METAP1D: variants seen among roughly 807,000 people sequenced by gnomAD.
METAP1D encodes the protein methionyl aminopeptidase type 1D, mitochondrial, also known as methionine aminopeptidase 1D, mitochondrial.
Under a neutral mutation model 40.5 loss-of-function variants are expected in METAP1D, and 31 were observed. The ratio of observed to expected loss-of-function variants is 0.77; its 90% CI spans 0.58 to 1.03. The LOEUF (loss-of-function observed/expected upper bound fraction) is 1.03. Among genes scored for constraint, METAP1D ranks in the 50% least tolerant of loss-of-function variants. The pLI, the probability that METAP1D is intolerant of heterozygous loss-of-function variation, is 0.00. For synonymous variants in METAP1D, 151 were observed against 146.4 expected, an observed-to-expected ratio of 1.03 and a Z score of -0.22; for missense variants, 411 against 420.7, an observed-to-expected ratio of 0.98 and a Z score of 0.20.
At chr2:172,040,382 G>GT (rs1689489612) in intron 1 of METAP1D, among the ~76,000 whole-genome samples, 1 of 152,200 alleles carries the variant, frequency 6.6e-6, no homozygotes, top group African/African-American at 2.4e-5. Context: ...TAAAAAGTCC[G>GT]TTTTTTTCTG....
At chr2:172,069,623 A>G (rs975634803) in intron 5 of METAP1D, among the ~76,000 whole-genome samples, 1 of 152,226 alleles carries the variant, frequency 6.6e-6, no homozygotes, top group African/African-American at 2.4e-5. Context: ...ATAAAATAAA[A>G]ACTCATACTT....
At chr2:172,025,130 T>C (rs1417824685) in intron 1 of METAP1D, among the ~76,000 whole-genome samples, 1 of 152,210 alleles carries the variant, frequency 6.6e-6, no homozygotes, top group Non-Finnish European at 1.5e-5. Context: ...ATTTAGTTTA[T>C]TAAAATAGAG....
chr2:172,055,488 T>C (rs1472587018), intron 1 of METAP1D, among the ~76,000 whole-genome samples: 7 of 152,250 alleles, frequency 4.6e-5, no homozygotes, highest in Admixed American at 4.6e-4. Flanking sequence ...TTACTACTTA[T>C]TTGTATTGTG....
intron 1 of METAP1D, among the ~76,000 whole-genome samples, chr2:172,010,792 A>C (rs1574088295): frequency 7.5e-6 from 1 of 132,568 alleles, no homozygotes; most frequent in African/African-American, 2.8e-5. Context: ...TCTTTCACCC[A>C]GGCTGGAGTG....
intron 1 of METAP1D, among the ~76,000 whole-genome samples, chr2:172,028,685 T>C (rs1019790230): frequency 4.6e-5 from 7 of 151,980 alleles, no homozygotes; most frequent in African/African-American, 1.4e-4. Context: ...GGAAGACTTA[T>C]AAAGAAAAAT....
chr2:172,023,283 G>A (rs1689047552), intron 1 of METAP1D, among the ~76,000 whole-genome samples: 1 of 152,222 alleles, frequency 6.6e-6, no homozygotes, highest in African/African-American at 2.4e-5. Flanking sequence ...TTGGGACACA[G>A]TCAAGTGGGA....
At position 172,030,493 on chromosome 2, in the gene METAP1D, A is replaced by G. The variant is rs144423304; in HGVS notation, c.40+30484A>G. Among the ~76,000 whole-genome samples, 246 of 152,260 alleles carry G rather than the reference A, an allele frequency of 1.6e-3. 1 individual carries two copies. The highest frequency in any genetic ancestry group is 5.8e-3 in the African/African-American group (240 of 41,556). ...CAAGGGTGTGTGACACAACATTGCT[A>G]CCATGTTATAGAGGGATATTCTAAA... On this transcript the variant is annotated intron_variant, in intron 1 of 9. Coordinates refer to ENST00000315796, the MANE Select transcript of METAP1D (RefSeq NM_199227.3).
At chr2:172,016,758 G>A (rs776226727) in intron 1 of METAP1D, among the ~76,000 whole-genome samples, 2 of 152,050 alleles carry the variant, frequency 1.3e-5, no homozygotes, top group Non-Finnish European at 2.9e-5. Context: ...TGACCTCCAA[G>A]GCTCTCTGGC....
At chr2:172,020,732 C>T (rs1688987360) in intron 1 of METAP1D, among the ~76,000 whole-genome samples, 1 of 152,060 alleles carries the variant, frequency 6.6e-6, no homozygotes, top group Non-Finnish European at 1.5e-5. Flanking sequence ...GAAAATAGAA[C>T]ATTTAGGGGA....
chr2:172,011,864 G>A (rs1314920315), intron 1 of METAP1D, among the ~76,000 whole-genome samples: 1 of 152,070 alleles, frequency 6.6e-6, no homozygotes, highest in African/African-American at 2.4e-5. Context: ...GTTTTTCTGC[G>A]GACATATATT....
chr2:172,041,163 CA>C (rs1284103871), intron 1 of METAP1D, among the ~76,000 whole-genome samples: 1 of 151,758 alleles, frequency 6.6e-6, no homozygotes, highest in Non-Finnish European at 1.5e-5. Context: ...AACAAACAAA[CA>C]AAAAACCCAC....
intron 1 of METAP1D, among the ~76,000 whole-genome samples, chr2:172,042,829 GTACACATATACGTGTGTGTGTA>G (rs1689623630): frequency 5.6e-5 from 3 of 53,110 alleles, no homozygotes; most frequent in Admixed American, 2.0e-4. Context: ...GTGTGTATAT[GTACACATATACGTGTGTGTGTA>G]TATATGTACA....
At chr2:172,026,775 A>C (rs996714248) in intron 1 of METAP1D, among the ~76,000 whole-genome samples, 1 of 152,226 alleles carries the variant, frequency 6.6e-6, no homozygotes, top group African/African-American at 2.4e-5. Flanking sequence ...AGGGCTCTAG[A>C]GTGAAATCAC....
intron 2 of METAP1D, 105 bp from the exon 3 acceptor site, chr2:172,063,606 G>T (rs1045719235): frequency 3.4e-6 from 3 of 881,360 alleles, no homozygotes; most frequent in Middle Eastern, 3.1e-4. Flanking sequence ...TCGGTGCTCC[G>T]GCAGGAAGGG....
intron 1 of METAP1D, among the ~76,000 whole-genome samples, chr2:172,052,998 G>A (rs1689918180): frequency 6.6e-6 from 1 of 152,108 alleles, no homozygotes; most frequent in Admixed American, 6.6e-5. Context: ...GTTGCCTTGA[G>A]ATGGGAAGGA....
chr2:172,035,345 T>C lies in METAP1D; in HGVS notation c.41-26153T>C, dbSNP rs145963096. On this transcript the variant is annotated intron_variant, in intron 1 of 9. Coordinates refer to ENST00000315796, the MANE Select transcript of METAP1D (RefSeq NM_199227.3). Reference sequence around the variant, plus strand: ...ACGCCCGGCTAACTTTTTGTATTTTTAGTAGAGATGGGGTTTCACCGTATT... The same window carrying C: ...ACGCCCGGCTAACTTTTTGTATTTTCAGTAGAGATGGGGTTTCACCGTATT... Among the ~76,000 whole-genome samples the C allele has an allele frequency of 2.6e-3, 390 of 152,260 alleles. 2 individuals carry two copies. The highest frequency in any genetic ancestry group is 8.4e-3 in the African/African-American group (351 of 41,550).
chr2:172,030,677 T>C (rs180837833), intron 1 of METAP1D, among the ~76,000 whole-genome samples: 1 of 152,360 alleles, frequency 6.6e-6, no homozygotes, highest in Admixed American at 6.5e-5. Flanking sequence ...TTGTCTTAAA[T>C]TGGAGACCAT....
chr2:172,045,811 G>GTATATA (rs1689739367), intron 1 of METAP1D, among the ~76,000 whole-genome samples: 4 of 51,722 alleles, frequency 7.7e-5, no homozygotes, highest in Non-Finnish European at 1.5e-4. Context: ...GTGTGTGTGT[G>GTATATA]TGTGTGTGTA....
At chr2:172,006,481 C>A (rs1257692721) in intron 1 of METAP1D, among the ~76,000 whole-genome samples, 1 of 152,148 alleles carries the variant, frequency 6.6e-6, no homozygotes, top group Non-Finnish European at 1.5e-5. Context: ...CTGCGCCTGG[C>A]CAATATTTAT....
Sources: gnomAD v4.1 joint callset for allele counts (sites outside exome capture counted in the v4.1 genomes callset) on GRCh38, gnomAD v4.1.1 for gene constraint, MANE v1.5 for transcripts, NCBI Gene and HGNC (gene_info 2026-07-23, HGNC 2026-07-21) for gene names.